The following TMEM123 variants were observed in gnomAD, a reference collection of about 807,000 sequenced individuals.
TMEM123 encodes transmembrane protein 123.
A neutral mutation model predicts 19.7 loss-of-function variants in TMEM123; 16 were observed. The observed-to-expected ratio is 0.81, with a 90% CI of 0.55 to 1.23. The LOEUF is 1.23. Ranked by LOEUF, TMEM123 falls within the 50% of genes most tolerant of loss-of-function variation. The probability of loss-of-function intolerance (pLI) is 0.00; values close to 1 mark genes in which losing one functional copy is unlikely to be tolerated. For missense variants in TMEM123, 313 were observed against 257.8 expected, an observed-to-expected ratio of 1.21 and a Z score of -1.47; for synonymous variants, 118 against 99.4, an observed-to-expected ratio of 1.19 and a Z score of -1.12.
At chr11:102,448,211 TA>T in intron 2 of TMEM123, 1 of 456,006 alleles carries the variant, frequency 2.2e-6, no homozygotes, top group Non-Finnish European at 4.4e-6. Flanking sequence ...GAAGATAACT[TA>T]AAAATTGTTT....
intron 2 of TMEM123, among the ~76,000 whole-genome samples, chr11:102,434,395 G>A (rs1363444519): frequency 6.6e-6 from 1 of 151,700 alleles, no homozygotes; most frequent in African/African-American, 2.4e-5. Flanking sequence ...GTCTTCTTTT[G>A]AGAAATGTCT....
At chr11:102,407,308 T>C (rs1951964269) in intron 2 of TMEM123, among the ~76,000 whole-genome samples, 1 of 152,248 alleles carries the variant, frequency 6.6e-6, no homozygotes, top group Non-Finnish European at 1.5e-5. Flanking sequence ...GGTATTATTC[T>C]GGACAGGAGC....
At chr11:102,449,323 G>A (rs1270481717) in intron 1 of TMEM123, 2 of 153,070 alleles carry the variant, frequency 1.3e-5, no homozygotes, top group Admixed American at 6.5e-5. Context: ...GGATAAAATA[G>A]GATTTTCTTA....
At chr11:102,401,228 G>A (rs893963875) in intron 4 of TMEM123, among the ~76,000 whole-genome samples, 1 of 152,136 alleles carries the variant, frequency 6.6e-6, no homozygotes, top group Non-Finnish European at 1.5e-5. Flanking sequence ...CTGGGAACTG[G>A]TATTTCTTAC....
chr11:102,399,463 C>T (rs1007043132), intron 4 of TMEM123, among the ~76,000 whole-genome samples: 2 of 151,874 alleles, frequency 1.3e-5, no homozygotes, highest in East Asian at 3.9e-4. Context: ...GTCATGGTTT[C>T]TTTTATGTAT....
At chr11:102,408,949 G>A (rs1838289322) in intron 2 of TMEM123, among the ~76,000 whole-genome samples, 2 of 152,126 alleles carry the variant, frequency 1.3e-5, no homozygotes, top group Non-Finnish European at 2.9e-5. Context: ...TCAAAGTCTG[G>A]ATTCATTCCG....
At chr11:102,427,562 G>C (rs1017704731) in intron 2 of TMEM123, among the ~76,000 whole-genome samples, 4 of 150,900 alleles carry the variant, frequency 2.7e-5, no homozygotes, top group Non-Finnish European at 5.9e-5. Context: ...GAAATGGCTG[G>C]GTGCGGTGGC....
intron 2 of TMEM123, among the ~76,000 whole-genome samples, chr11:102,428,988 C>G (rs927572926): frequency 3.9e-5 from 6 of 152,176 alleles, no homozygotes; most frequent in African/African-American, 1.4e-4. Flanking sequence ...CGCTCACCCC[C>G]TGGGGTCTGG....
intron 2 of TMEM123, among the ~76,000 whole-genome samples, chr11:102,429,460 G>A (rs559070528): frequency 6.2e-4 from 94 of 152,220 alleles, no homozygotes; most frequent in African/African-American, 2.2e-3. Context: ...GGCAAGTTTT[G>A]GCGTACAAAA....
intron 2 of TMEM123, among the ~76,000 whole-genome samples, chr11:102,424,383 C>G (rs1952109159): frequency 6.6e-6 from 1 of 152,148 alleles, no homozygotes; most frequent in Non-Finnish European, 1.5e-5. Context: ...TGCCATTTTA[C>G]AGATTTGAAA....
chr11:102,400,058 G>C (rs760839154), intron 4 of TMEM123, among the ~76,000 whole-genome samples: 1 of 152,078 alleles, frequency 6.6e-6, no homozygotes, highest in East Asian at 1.9e-4. Flanking sequence ...TTTATGATGC[G>C]ATGTTTATTT....
chr11:102,445,860 T>A (rs2135866105), intron 2 of TMEM123, among the ~76,000 whole-genome samples: 1 of 152,342 alleles, frequency 6.6e-6, no homozygotes, highest in Middle Eastern at 3.4e-3. Context: ...TGGACAAAAC[T>A]AACCTCACTA....
rs113193038 is a variant in TMEM123, at chr11:102,433,742, G to A, written c.157+15070C>T. 9.1e-3 allele frequency among the ~76,000 whole-genome samples: 1,376 copies of A among 151,846 alleles called. 32 individuals are homozygous for A. The highest frequency in any genetic ancestry group is 0.031 in the African/African-American group (1,294 of 41,484). On this transcript the variant is annotated intron_variant, in intron 2 of 4. Transcript: ENST00000398136. ...CATAATCCCCAAGTGTCATGGCAGC[G>A]AGCTGGTGGGAGGTAACTGAATCAT...
At position 102,435,693 on chromosome 11, in the gene TMEM123, T is replaced by C. The variant is rs962042625; in HGVS notation, c.157+13119A>G. Among the ~76,000 whole-genome samples, 2 of 151,914 alleles carry C rather than the reference T, an allele frequency of 1.3e-5. 1 individual carries two copies. Among genetic ancestry groups the C allele is most frequent in the Non-Finnish European group, 2.9e-5 (2 of 67,892 alleles). On this transcript the variant is annotated intron_variant, in intron 2 of 4. Transcript: ENST00000398136. ...ACCAACTCCAATGTCCATCAACAGA[T>C]GAATGGATAAACCATATGTGACATA...
At chr11:102,410,406 C>T (rs143084488) in intron 2 of TMEM123, among the ~76,000 whole-genome samples, 11 of 151,872 alleles carry the variant, frequency 7.2e-5, no homozygotes, top group African/African-American at 2.4e-4. Flanking sequence ...GCAAAGTTGA[C>T]GGGGCACTGT....
chr11:102,411,859 C>T (rs962194422), intron 2 of TMEM123, among the ~76,000 whole-genome samples: 3 of 152,156 alleles, frequency 2.0e-5, no homozygotes, highest in Non-Finnish European at 1.5e-5. Context: ...GTGCAAGTGC[C>T]TAGCACAGTC....
chr11:102,437,200 C>T (rs945688511), intron 2 of TMEM123, among the ~76,000 whole-genome samples: 2 of 152,200 alleles, frequency 1.3e-5, no homozygotes, highest in Admixed American at 1.3e-4. Flanking sequence ...CTTCTCCCTA[C>T]TCCCACCATC....
intron 2 of TMEM123, among the ~76,000 whole-genome samples, chr11:102,427,557 G>A (rs539419759): frequency 5.5e-4 from 82 of 148,242 alleles, no homozygotes; most frequent in African/African-American, 2.0e-3. Context: ...CTACGGAAAT[G>A]GCTGGGTGCG....
Position 102,402,171 on chromosome 11 carries a change from C to A in TMEM123, c.193G>T (p.Glu65Ter). The A allele has an allele frequency of 6.2e-7, 1 of 1,614,042 alleles. No homozygotes were observed. The highest frequency in any genetic ancestry group is 8.5e-7 in the Non-Finnish European group (1 of 1,179,990). Residue 65 changes from glutamate (E) to a stop codon, truncating the protein, a stop_gained, in exon 3 of 5, where the codon GAA (glutamate) becomes TAA (stop). Coordinates refer to ENST00000398136, the MANE Select transcript of TMEM123 (RefSeq NM_052932.3). LOFTEE classifies it high-confidence loss of function. ...GGTTTCACAGTACTGTTGGAAGTTT[C>A]ATTTGTATGGTCAGAAGGCACATGT... ...LQHVPSDHTN[E>*]TSNSTVKPPT...
Sources: gnomAD v4.1 joint callset for allele counts (sites outside exome capture counted in the v4.1 genomes callset) on GRCh38, gnomAD v4.1.1 for gene constraint, MANE v1.5 for transcripts, NCBI Gene and HGNC (gene_info 2026-07-23, HGNC 2026-07-21) for gene names.